The following DAB1 variants were observed in gnomAD, a reference collection of about 807,000 sequenced individuals.
DAB1 encodes the protein DAB adaptor protein 1.
A neutral mutation model predicts 64.6 loss-of-function variants in DAB1; 15 were observed. The observed-to-expected ratio is 0.23, with a 90% CI of 0.16 to 0.36. The LOEUF (loss-of-function observed/expected upper bound fraction) is 0.36. DAB1 is among the 10% of genes least tolerant of loss of function. DAB1 has a pLI of 1.00. For missense variants in DAB1, 596 were observed against 706.7 expected (o/e 0.84, Z 1.78); for synonymous variants, 235 against 251.9 (o/e 0.93, Z 0.64).
intron 8 of DAB1, among the ~76,000 whole-genome samples, chr1:57,065,552 A>G (rs1268900421): frequency 1.3e-5 from 2 of 152,198 alleles, no homozygotes; most frequent in African/African-American, 4.8e-5. Flanking sequence ...CCTTGTATCC[A>G]CAGCTATAAA....
chr1:58,505,107 C>G (rs1645966580), intron 3 of DAB1, among the ~76,000 whole-genome samples: 1 of 152,182 alleles, frequency 6.6e-6, no homozygotes, highest in Non-Finnish European at 1.5e-5. Context: ...CGCATGCCAC[C>G]ACGCCCGCCT....
At position 58,377,560 on chromosome 1, in the gene DAB1, G is replaced by C. The variant is rs954233355; in HGVS notation, n.258-34157C>G. Among the ~76,000 whole-genome samples, 3 of 137,978 alleles carry C rather than the reference G, an allele frequency of 2.2e-5. 1 individual carries two copies. Among genetic ancestry groups the C allele is most frequent in the Non-Finnish European group, 4.8e-5 (3 of 61,996 alleles). 90.5% of individuals were successfully genotyped at this position (137,978 alleles called of 152,430 possible). ...CTGCCAAGAGATCTGCTGTTAGTCT[G>C]ATGGGCTTCCCTTTGAGGGTAACCC... On this transcript the variant is annotated intron_variant and non_coding_transcript_variant, in intron 3 of 20. Coordinates refer to the DAB1 transcript ENST00000485760.
chr1:57,620,310 C>T (rs1039318420), intron 7 of DAB1, among the ~76,000 whole-genome samples: 7 of 152,078 alleles, frequency 4.6e-5, no homozygotes, highest in Non-Finnish European at 8.8e-5. Flanking sequence ...TACATAGGTA[C>T]ATATGGGGTG....
intron 5 of DAB1, among the ~76,000 whole-genome samples, chr1:58,037,924 C>T (rs904014999): frequency 1.3e-5 from 2 of 151,968 alleles, no homozygotes; most frequent in Non-Finnish European, 2.9e-5. Flanking sequence ...TGTTAATGGC[C>T]CTGAATGACT....
chr1:57,373,131 G>C lies in DAB1; in HGVS notation c.-137+50799C>G, dbSNP rs946309753. Among the ~76,000 whole-genome samples the C allele has an allele frequency of 4.6e-5, 7 of 152,334 alleles. No homozygotes were observed. In the South Asian group the frequency reaches 1.4e-3, roughly 32 times the overall value. On this transcript the variant is annotated intron_variant, in intron 1 of 14. Transcript: ENST00000371236. Reference sequence around the variant, plus strand: ...GCCTGGGAGTTCGAGGCTGCAGCGAGCTGTGCTTGTGACACTGTCCACTCC... The same window carrying C: ...GCCTGGGAGTTCGAGGCTGCAGCGACCTGTGCTTGTGACACTGTCCACTCC...
rs144727413 is a variant in DAB1 at position 57,015,055 on chromosome 1, C to T, written c.1272G>A (p.Pro424=). 1.0e-4 allele frequency: 165 copies of T among 1,614,082 alleles called. No individual in the cohort carries two copies. The highest frequency in any genetic ancestry group is 6.9e-4 in the African/African-American group (52 of 75,036). Residue 424 remains proline, a synonymous_variant, in exon 12 of 15, where the codon CCG becomes CCA. Coordinates refer to ENST00000371236, the MANE Select transcript of DAB1 (RefSeq NM_001365792.1). ...TFKDFQMAQP[P]PVPSRKPDQP... is the part of the protein sequence containing the mutation. The stretch of plus-strand genomic sequence containing the variant: ...GGTCGGGTTTGCGGGAGGGCACGGG[C>T]GGAGGCTGGGCCATCTGGAAATCCT...
At chr1:57,881,636 C>A (rs1221911129) in intron 1 of DAB1, among the ~76,000 whole-genome samples, 4 of 152,276 alleles carry the variant, frequency 2.6e-5, no homozygotes, top group Admixed American at 2.6e-4. Context: ...ACATAGCAGG[C>A]ACTCAACAAA....
At chr1:57,072,655 C>A (rs577781051) in intron 4 of DAB1, among the ~76,000 whole-genome samples, 1 of 152,210 alleles carries the variant, frequency 6.6e-6, no homozygotes, top group Non-Finnish European at 1.5e-5. Context: ...TAAGCATCTG[C>A]AACAGTGGCT....
chr1:58,492,222 C>A (rs1266351216), intron 3 of DAB1, among the ~76,000 whole-genome samples: 5 of 151,990 alleles, frequency 3.3e-5, no homozygotes, highest in Non-Finnish European at 5.9e-5. Flanking sequence ...CCAACGAGAA[C>A]AAAGACACAA....
chr1:57,607,373 T>C (rs1352174180), intron 7 of DAB1, among the ~76,000 whole-genome samples: 1 of 152,226 alleles, frequency 6.6e-6, no homozygotes, highest in Admixed American at 6.5e-5. Flanking sequence ...ATTAGTTTTC[T>C]GTAATGCCCA....
chr1:58,484,209 G>A (rs2100355235), intron 3 of DAB1, among the ~76,000 whole-genome samples: 1 of 152,246 alleles, frequency 6.6e-6, no homozygotes, highest in South Asian at 2.1e-4. Flanking sequence ...CTCCGTTACT[G>A]GGCATTAGAA....
intron 5 of DAB1, among the ~76,000 whole-genome samples, chr1:58,007,606 G>A (rs372701229): frequency 6.6e-6 from 1 of 152,208 alleles, no homozygotes. Flanking sequence ...CCTTCCAGGA[G>A]ATAACCTGTC....
intron 2 of DAB1, among the ~76,000 whole-genome samples, chr1:58,511,849 C>G (rs1413237161): frequency 6.6e-6 from 1 of 152,102 alleles, no homozygotes. Flanking sequence ...AGTTTCATGA[C>G]TTTGGTCTTG....
intron 2 of DAB1, among the ~76,000 whole-genome samples, chr1:57,282,182 C>CAAAAAAA (rs61512431): frequency 3.2e-5 from 3 of 92,768 alleles, no homozygotes; most frequent in East Asian, 2.9e-4. Flanking sequence ...GCCTTCTTCT[C>CAAAAAAA]AAAAAAAAAA....
intron 5 of DAB1, among the ~76,000 whole-genome samples, chr1:58,087,560 G>A (rs1295199177): frequency 6.6e-6 from 1 of 152,142 alleles, no homozygotes; most frequent in Non-Finnish European, 1.5e-5. Context: ...TCAATCAGCT[G>A]TGAATTATGC....
rs145613241 is a variant in DAB1 at position 58,003,280 on chromosome 1, A to G, written n.388-119118T>C. 2.9e-3 allele frequency among the ~76,000 whole-genome samples: 443 copies of G among 152,300 alleles called. 1 individual carries two copies. The highest frequency in any genetic ancestry group is 8.3e-3 in the South Asian group (40 of 4,822). On this transcript the variant is annotated intron_variant and non_coding_transcript_variant, in intron 5 of 20. Transcript: ENST00000485760. ...GTGTATTGTGCTCCTCTCCGCTTCA[A>G]TGACAAAGAAACCTCAAAGAAGAAA... is the stretch of plus-strand genomic sequence containing the variant.
At chr1:57,202,574 G>T (rs1569873151) in intron 2 of DAB1, among the ~76,000 whole-genome samples, 2 of 152,196 alleles carry the variant, frequency 1.3e-5, no homozygotes, top group Non-Finnish European at 2.9e-5. Flanking sequence ...AAGGTGGGAA[G>T]ATTTACTCAC....
At chr1:57,725,104 G>C (rs549152374) in intron 6 of DAB1, among the ~76,000 whole-genome samples, 1 of 152,238 alleles carries the variant, frequency 6.6e-6, no homozygotes, top group East Asian at 1.9e-4. Flanking sequence ...TACAAACCCG[G>C]GTGTGGTTCC....
At chr1:57,856,880 C>A (rs1653779457) in intron 1 of DAB1, among the ~76,000 whole-genome samples, 1 of 152,182 alleles carries the variant, frequency 6.6e-6, no homozygotes, top group Admixed American at 6.5e-5. Flanking sequence ...GTGAATGATA[C>A]ACTCAGGGTC....
Sources: allele counts gnomAD v4.1 joint callset (sites outside exome capture counted in the v4.1 genomes callset), GRCh38; gene constraint gnomAD v4.1.1; transcripts MANE v1.5; gene names NCBI Gene and HGNC (gene_info 2026-07-23, HGNC 2026-07-21).